The following HIVEP3 variants were observed in gnomAD, a reference collection of about 807,000 sequenced individuals.
HIVEP3 encodes HIVEP zinc finger 3.
A neutral mutation model predicts 152.8 loss-of-function variants in HIVEP3; 49 were observed. The observed-to-expected ratio is 0.32, with a 90% confidence interval of 0.26 to 0.41. The LOEUF (loss-of-function observed/expected upper bound fraction) is 0.41, where lower values mean the gene tolerates loss of function less well. HIVEP3 is among the 10% of genes least tolerant of loss of function. HIVEP3 has a pLI of 1.00. For synonymous variants in HIVEP3, 1,269 were observed against 1,289.0 expected (o/e 0.98, Z 0.33); for missense variants, 2,790 against 3,103.3 (o/e 0.90, Z 2.40).
chr1:41,943,048 C>T (rs1273162669), intron 1 of HIVEP3, among the ~76,000 whole-genome samples: 6 of 152,008 alleles, frequency 3.9e-5, no homozygotes, highest in South Asian at 2.1e-4. Context: ...TACAGGCGCC[C>T]GCCATCACGC....
chr1:41,959,996 A>G (rs1645161034), intron 1 of HIVEP3, among the ~76,000 whole-genome samples: 1 of 152,184 alleles, frequency 6.6e-6, no homozygotes, highest in African/African-American at 2.4e-5. Context: ...GATGTGATAC[A>G]TATGACGGGT....
At chr1:41,938,361 G>A (rs1645029787) in intron 1 of HIVEP3, among the ~76,000 whole-genome samples, 1 of 152,182 alleles carries the variant, frequency 6.6e-6, no homozygotes, top group East Asian at 1.9e-4. Context: ...TTTGTCCCCA[G>A]CACCTGGAAC....
At chr1:41,682,200 G>C (rs1385842087) in intron 2 of HIVEP3, among the ~76,000 whole-genome samples, 2 of 152,196 alleles carry the variant, frequency 1.3e-5, no homozygotes, top group Admixed American at 1.3e-4. Flanking sequence ...TGCATGCTTG[G>C]TGCTCACTGT....
Position 41,584,537 on chromosome 1 carries a change from T to G in HIVEP3, c.261A>C (p.Glu87Asp), listed in dbSNP as rs777178517. 1 of 1,614,002 alleles carries G rather than the reference T, an allele frequency of 6.2e-7. No individual in the cohort carries two copies. Among genetic ancestry groups the G allele is most frequent in the South Asian group, 1.1e-5 (1 of 91,068 alleles). Residue 87 changes from glutamate (E) to aspartate (D), a missense_variant, in exon 4 of 9, where the codon GAA becomes GAC. Transcript: ENST00000372583. The surrounding 1 kb of genome is among the most constrained non-coding windows in gnomAD (Gnocchi z 5.2). ...QQKPPKRPPI[E>D]ASVHISQLPQ... Reference sequence around the variant, plus strand: ...GAAGCTGTGAGATGTGGACGGATGCTTCGATGGGGGGCCTTTTGGGGGGCT... The same window carrying G: ...GAAGCTGTGAGATGTGGACGGATGCGTCGATGGGGGGCCTTTTGGGGGGCT...
intron 1 of HIVEP3, among the ~76,000 whole-genome samples, chr1:41,886,097 A>G (rs563646412): frequency 1.5e-4 from 23 of 152,300 alleles, no homozygotes; most frequent in African/African-American, 5.5e-4. Context: ...TTTAACTGCA[A>G]TTGATGAAGA....
At chr1:41,727,705 C>G (rs1317818986) in intron 1 of HIVEP3, among the ~76,000 whole-genome samples, 1 of 152,188 alleles carries the variant, frequency 6.6e-6, no homozygotes, top group South Asian at 2.1e-4. Flanking sequence ...CAGAGGCAGC[C>G]CGGGTGACTT....
At position 41,673,311 on chromosome 1, in the gene HIVEP3, T is replaced by C. The variant is rs184936565; in HGVS notation, c.-721+27605A>G. On this transcript the variant is annotated intron_variant, in intron 2 of 8. Coordinates refer to ENST00000372583, the MANE Select transcript of HIVEP3 (RefSeq NM_024503.5). Reference sequence around the variant, plus strand: ...CAAAGAGGCAGTGAGAGAATGCAAGTTTCCCAGGAGGACCTTTAAGTACTT... The same window carrying C: ...CAAAGAGGCAGTGAGAGAATGCAAGCTTCCCAGGAGGACCTTTAAGTACTT... Among the ~76,000 whole-genome samples, 20 of 152,342 alleles carry C rather than the reference T, an allele frequency of 1.3e-4. No homozygotes were observed. In the East Asian group the frequency reaches 3.7e-3, roughly 28 times the overall value.
At chr1:41,665,016 G>C (rs1645773127) in intron 2 of HIVEP3, among the ~76,000 whole-genome samples, 2 of 152,200 alleles carry the variant, frequency 1.3e-5, no homozygotes, top group Admixed American at 6.5e-5. Context: ...CTTTCCAGCG[G>C]TAGTCATTCC....
At chr1:41,977,036 T>A (rs189617358) in intron 1 of HIVEP3, among the ~76,000 whole-genome samples, 1 of 152,130 alleles carries the variant, frequency 6.6e-6, no homozygotes, top group Non-Finnish European at 1.5e-5. Context: ...TCAACATATC[T>A]CTAATGTTTG....
At chr1:41,697,440 C>A (rs1646293461) in intron 2 of HIVEP3, among the ~76,000 whole-genome samples, 1 of 152,218 alleles carries the variant, frequency 6.6e-6, no homozygotes, top group Admixed American at 6.5e-5. Flanking sequence ...CACGTGCACG[C>A]CTTTCTTAGC....
At chr1:41,788,142 C>G (rs1335193509) in intron 1 of HIVEP3, among the ~76,000 whole-genome samples, 1 of 152,146 alleles carries the variant, frequency 6.6e-6, no homozygotes, top group East Asian at 1.9e-4. Context: ...TTCAGACTAT[C>G]CAGACAACCC....
intron 3 of HIVEP3, among the ~76,000 whole-genome samples, chr1:41,622,671 C>T (rs916643375): frequency 6.6e-6 from 1 of 152,176 alleles, no homozygotes; most frequent in Non-Finnish European, 1.5e-5. Flanking sequence ...CTGCCATAGA[C>T]GCTGGAAGCT....
rs116280536 is a variant in HIVEP3 at position 41,621,716 on chromosome 1, C to T, written c.-522+7033G>A. Among the ~76,000 whole-genome samples, 1,248 of 152,284 alleles carry T rather than the reference C, an allele frequency of 8.2e-3. 19 individuals are homozygous for T. The highest frequency in any genetic ancestry group is 0.028 in the African/African-American group (1,173 of 41,538). ...TTCTAGTTTTTGAGATGAGGTCTCA[C>T]TACCTTGCCCATTCTAGTCTCAAAC... On this transcript the variant is annotated intron_variant, in intron 3 of 8. Coordinates refer to ENST00000372583, the MANE Select transcript of HIVEP3 (RefSeq NM_024503.5).
At chr1:41,931,210 T>A (rs917197067) in intron 1 of HIVEP3, among the ~76,000 whole-genome samples, 1 of 152,132 alleles carries the variant, frequency 6.6e-6, no homozygotes, top group Non-Finnish European at 1.5e-5. Context: ...TATTTTCTCC[T>A]GTGATTTTTT....
intron 1 of HIVEP3, among the ~76,000 whole-genome samples, chr1:41,956,129 G>A (rs903747377): frequency 2.0e-5 from 3 of 151,932 alleles, no homozygotes; most frequent in East Asian, 1.9e-4. Flanking sequence ...TGGTTTGGAC[G>A]TTTCTTATAG....
intron 4 of HIVEP3, 143 bp from the exon 5 acceptor site, chr1:41,575,832 T>A: frequency 1.1e-6 from 1 of 870,108 alleles, no homozygotes; most frequent in Non-Finnish European, 1.7e-6. Context: ...AGAGGTGCTA[T>A]TAGCTCCACT....
intron 2 of HIVEP3, among the ~76,000 whole-genome samples, chr1:41,699,078 G>A (rs1352750531): frequency 1.3e-5 from 2 of 152,218 alleles, no homozygotes; most frequent in African/African-American, 4.8e-5. Flanking sequence ...ACTCACAGGT[G>A]GCTCTAGGCC....
chr1:41,889,273 C>T (rs745384299), intron 1 of HIVEP3, among the ~76,000 whole-genome samples: 2 of 152,160 alleles, frequency 1.3e-5, no homozygotes, highest in Non-Finnish European at 2.9e-5. Flanking sequence ...CAAACTCACA[C>T]ACTTTAAAGT....
intron 1 of HIVEP3, among the ~76,000 whole-genome samples, chr1:41,758,846 T>C (rs907561548): frequency 6.6e-6 from 1 of 152,170 alleles, no homozygotes; most frequent in Non-Finnish European, 1.5e-5. Flanking sequence ...CTTAGACACC[T>C]CCCTTTTAGG....
Sources: allele counts gnomAD v4.1 joint callset (sites outside exome capture counted in the v4.1 genomes callset), GRCh38; gene constraint gnomAD v4.1.1; non-coding constraint Gnocchi (gnomAD v3.1); transcripts MANE v1.5; gene names NCBI Gene and HGNC (gene_info 2026-07-23, HGNC 2026-07-21).